Variants in SGMS1 observed in about 807,000 individuals in gnomAD.
SGMS1 encodes the protein sphingomyelin synthase 1.
SGMS1 carries 13 observed loss-of-function variants against 46.2 expected under a neutral mutation model. That is an observed-to-expected ratio of 0.28 (90% confidence interval 0.18 to 0.45). The LOEUF (loss-of-function observed/expected upper bound fraction) is 0.45. SGMS1 is among the 20% of genes least tolerant of loss of function. The pLI is 1.00. For synonymous variants in SGMS1, 203 were observed against 187.8 expected (o/e 1.08, Z -0.66); for missense variants, 324 against 519.9 (o/e 0.62, Z 3.66).
chr10:50,336,923 T>C (rs60369881), intron 7 of SGMS1, among the ~76,000 whole-genome samples: 34 of 152,344 alleles, frequency 2.2e-4, no homozygotes, highest in African/African-American at 6.7e-4. Flanking sequence ...AATAGGATAA[T>C]AATTTTTGAC....
chr10:50,393,025 G>A (rs1164487187), intron 6 of SGMS1, among the ~76,000 whole-genome samples: 1 of 150,678 alleles, frequency 6.6e-6, no homozygotes, highest in Non-Finnish European at 1.5e-5. Flanking sequence ...AAAAATTTAT[G>A]TTGGGTGGTG....
At chr10:50,600,734 GAGTC>G (rs1838642243) in intron 1 of SGMS1, among the ~76,000 whole-genome samples, 1 of 152,192 alleles carries the variant, frequency 6.6e-6, no homozygotes, top group East Asian at 1.9e-4. Flanking sequence ...ACCTTTTTGA[GAGTC>G]TTCTATGTGT....
chr10:50,378,530 C>T (rs1848552802), intron 6 of SGMS1, among the ~76,000 whole-genome samples: 1 of 152,208 alleles, frequency 6.6e-6, no homozygotes, highest in Non-Finnish European at 1.5e-5. Flanking sequence ...CAGCCAACTA[C>T]AGCAGTAAAA....
At position 50,343,654 on chromosome 10, in the gene SGMS1, G is replaced by A. The variant is rs141885016; in HGVS notation, c.461C>T (p.Ser154Leu). The part of the protein sequence containing the change: ...SCFVLTTVMI[S>L]VVHERVPPKE... ...AGGAGGTACTCGTTCGTGGACGACC[G>A]AGATCATCACTGTGGTGAGAACGAA... The change falls in exon 7 of 11, where the codon TCG becomes TTG. Residue 154 changes from serine to leucine, a missense_variant. Transcript: ENST00000361781. 203 of 1,614,010 alleles carry A rather than the reference G, an allele frequency of 1.3e-4. 1 individual carries two copies. The highest frequency in any genetic ancestry group is 1.7e-4 in the Non-Finnish European group (198 of 1,180,034).
rs1665662555 is a variant in SGMS1 at position 50,394,625 on chromosome 10, T to C, written c.-232+38851A>G. On this transcript the variant is annotated intron_variant, in intron 6 of 10. Coordinates refer to ENST00000361781, the MANE Select transcript of SGMS1 (RefSeq NM_147156.4). Reference sequence around the variant, plus strand: ...AATGGAAATCAAAATAAATCTGAGGTTATATGAAATAAATATGCAATAGCA... The same window carrying C: ...AATGGAAATCAAAATAAATCTGAGGCTATATGAAATAAATATGCAATAGCA... 2.6e-5 allele frequency among the ~76,000 whole-genome samples: 4 copies of C among 152,072 alleles called. No homozygotes were observed. In the South Asian group the frequency reaches 8.3e-4, roughly 32 times the overall value.
chr10:50,600,667 G>A (rs183310548), intron 1 of SGMS1, among the ~76,000 whole-genome samples: 1 of 152,298 alleles, frequency 6.6e-6, no homozygotes, highest in Admixed American at 6.5e-5. Context: ...CCCAGCTTCA[G>A]TCCTCCTGGC....
chr10:50,327,598 C>T (rs1049189374), intron 7 of SGMS1, among the ~76,000 whole-genome samples: 9 of 152,306 alleles, frequency 5.9e-5, no homozygotes, highest in South Asian at 2.1e-4. Flanking sequence ...CTTGAGTTGA[C>T]GTTCAACTGT....
chr10:50,506,191 C>T (rs1160344807), intron 3 of SGMS1, among the ~76,000 whole-genome samples: 1 of 152,176 alleles, frequency 6.6e-6, no homozygotes, highest in Non-Finnish European at 1.5e-5. Context: ...AAACTTACTA[C>T]ACTCTGTACT....
intron 3 of SGMS1, among the ~76,000 whole-genome samples, chr10:50,500,668 C>A (rs1334918288): frequency 6.6e-6 from 1 of 152,128 alleles, no homozygotes; most frequent in Non-Finnish European, 1.5e-5. Flanking sequence ...TTCATATACT[C>A]CACTGAGAAA....
chr10:50,459,711 A>C (rs920048471), intron 5 of SGMS1, among the ~76,000 whole-genome samples: 4 of 152,186 alleles, frequency 2.6e-5, no homozygotes, highest in Non-Finnish European at 5.9e-5. Context: ...GCTGAATAAG[A>C]ATATTTTTAA....
rs1838444258 is a variant in SGMS1 at position 50,582,513 on chromosome 10, ACCT to A, written c.-589+7637_-589+7639del. On this transcript the variant is annotated intron_variant, in intron 2 of 10. Transcript: ENST00000361781. ...CACACCACACTGAAGGGTTCAAGTC[ACCT>A]CCTGACCATAAAAAGCTTTGTCTCC... 2.0e-5 allele frequency among the ~76,000 whole-genome samples: 3 copies of A among 152,152 alleles called. No individual in the cohort carries two copies. In the South Asian group the frequency reaches 6.2e-4, roughly 32 times the overall value.
At chr10:50,472,529 G>T (rs1837387701) in intron 3 of SGMS1, among the ~76,000 whole-genome samples, 1 of 152,118 alleles carries the variant, frequency 6.6e-6, no homozygotes, top group African/African-American at 2.4e-5. Flanking sequence ...AGGGTGAATA[G>T]TATTGCATAG....
intron 5 of SGMS1, among the ~76,000 whole-genome samples, chr10:50,454,828 A>G (rs1837171166): frequency 6.6e-6 from 1 of 152,218 alleles, no homozygotes; most frequent in African/African-American, 2.4e-5. Flanking sequence ...GAGCTGGTGA[A>G]TATAAAAATT....
At chr10:50,607,421 A>G (rs1321857961) in intron 1 of SGMS1, among the ~76,000 whole-genome samples, 1 of 152,194 alleles carries the variant, frequency 6.6e-6, no homozygotes, top group Non-Finnish European at 1.5e-5. Flanking sequence ...TGAGAGGGCA[A>G]ACATTTGTCA....
At chr10:50,454,248 C>T (rs1022404776) in intron 5 of SGMS1, among the ~76,000 whole-genome samples, 3 of 151,918 alleles carry the variant, frequency 2.0e-5, no homozygotes, top group Non-Finnish European at 4.4e-5. Context: ...AAGAGTCTGG[C>T]CTTTATCACT....
chr10:50,503,726 A>C (rs1419316354), intron 3 of SGMS1, among the ~76,000 whole-genome samples: 2 of 152,134 alleles, frequency 1.3e-5, no homozygotes, highest in Non-Finnish European at 2.9e-5. Flanking sequence ...TGGAGGAGAG[A>C]AGAGCAGTTC....
At chr10:50,360,346 A>G (rs867911894) in intron 6 of SGMS1, among the ~76,000 whole-genome samples, 1 of 152,208 alleles carries the variant, frequency 6.6e-6, no homozygotes, top group Non-Finnish European at 1.5e-5. Flanking sequence ...CAATTGTTCT[A>G]TTATCTAGAT....
chr10:50,412,100 T>G (rs1396428370), intron 6 of SGMS1, among the ~76,000 whole-genome samples: 1 of 152,066 alleles, frequency 6.6e-6, no homozygotes, highest in African/African-American at 2.4e-5. Context: ...CCCAATGATG[T>G]GAGGGGACAG....
intron 6 of SGMS1, among the ~76,000 whole-genome samples, chr10:50,429,763 A>G (rs950763560): frequency 2.0e-5 from 3 of 150,424 alleles, no homozygotes. Flanking sequence ...CATGACTTCA[A>G]TTACTTGTTT....
Sources: gnomAD v4.1 joint callset for allele counts (sites outside exome capture counted in the v4.1 genomes callset) on GRCh38, gnomAD v4.1.1 for gene constraint, MANE v1.5 for transcripts, NCBI Gene and HGNC (gene_info 2026-07-23, HGNC 2026-07-21) for gene names.